MST1R: variants seen among roughly 807,000 people sequenced by gnomAD.
MST1R encodes macrophage-stimulating protein receptor.
In MST1R, 99 loss-of-function variants were observed where a neutral mutation model predicts 117.8. The observed-to-expected ratio is 0.84, with a 90% CI of 0.71 to 0.99. MST1R has a LOEUF of 0.99. Ranked by LOEUF, MST1R falls within the 50% of genes least tolerant of loss-of-function variation. The pLI is 0.00. For missense variants in MST1R, 1,683 were observed against 1,840.2 expected (o/e 0.91, Z 1.56); for synonymous variants, 734 against 765.3 (o/e 0.96, Z 0.68).
intron 4 of MST1R, 29 bp downstream of exon 4, chr3:49,898,489 T>G (rs776298711): frequency 1.9e-6 from 3 of 1,609,546 alleles, no homozygotes; most frequent in Non-Finnish European, 2.5e-6. Flanking sequence ...TGTCCCACTC[T>G]TACCTGTGCC....
At chr3:49,899,598 C>CG (rs1207638898) in intron 1 of MST1R, 17 of 218,186 alleles carry the variant, frequency 7.8e-5, no homozygotes, top group Non-Finnish European at 1.3e-4. Flanking sequence ...TTTTTTGAGA[C>CG]GGAGTCTCAC....
In MST1R at chr3:49,899,211, A is replaced by G. The variant is rs746244988; in HGVS notation, c.1283T>C (p.Leu428Pro). 1 of 1,614,154 alleles carries G rather than the reference A, an allele frequency of 6.2e-7. No homozygotes were observed. The highest frequency in any genetic ancestry group is 1.7e-5 in the Admixed American group (1 of 60,028). The part of the protein sequence containing the change: ...PNTSCRHFPL[L>P]VSSSFSRVDL... The stretch of plus-strand genomic sequence containing the variant: ...CACACGTGAGAAGCTGCTACTGACC[A>G]GCAGAGGGAAGTGGCGGCAGCTGGT... The change falls in exon 2 of 20, where the codon CTG becomes CCG. Residue 428 changes from leucine (L) to proline (P), a missense_variant. Leu to Pro is a moderately conservative substitution (Grantham distance 98, BLOSUM62 -3). Transcript: ENST00000296474.
rs2082435500 is a variant in MST1R at position 49,895,451 on chromosome 3, G to A, written c.3060C>T (p.Gly1020=). Residue 1020 remains glycine (G), a synonymous_variant, in exon 13 of 20, where the codon GGC becomes GGT. Coordinates refer to ENST00000296474, the MANE Select transcript of MST1R (RefSeq NM_002447.4). ...ILYSGSDYRS[G]LALPAIDGLD... is the part of the protein sequence containing the mutation. ...CTCATGCCTCCACTATCTCACCAAG[G>A]CCACTTCTGTAGTCAGAGCCCGAGT... is the stretch of plus-strand genomic sequence containing the variant. 6.2e-7 allele frequency: 1 copy of A among 1,614,164 alleles called. No homozygotes were observed.
chr3:49,899,558 ATCTT>A (rs1190979713), intron 1 of MST1R: 3 of 126,014 alleles, frequency 2.4e-5, no homozygotes, highest in African/African-American at 4.2e-5. Context: ...CACCCCGTAC[ATCTT>A]TTTTTTTTTT....
At chr3:49,898,375 C>T (rs2082553661) in intron 4 of MST1R, 143 bp downstream of exon 4, 8 of 1,342,826 alleles carry the variant, frequency 6.0e-6, no homozygotes, top group Admixed American at 2.2e-5. Context: ...TTGCATGTGG[C>T]ATCCCCTCTG....
chr3:49,896,691 T>TGGTG, intron 8 of MST1R, 38 bp downstream of exon 8: 1 of 1,608,996 alleles, frequency 6.2e-7, no homozygotes, highest in Non-Finnish European at 8.5e-7. Flanking sequence ...GCTCTCTCAT[T>TGGTG]CCCCAGAGGC....
At position 49,887,260 on chromosome 3, in the gene MST1R, T is replaced by C. The variant is rs2082189468; in HGVS notation, c.*47A>G. On this transcript the variant is annotated 3_prime_UTR_variant, in exon 20 of 20. Transcript: ENST00000296474. The stretch of plus-strand genomic sequence containing the variant: ...TGGCCTGGCATGGCCCAGAGGCAGC[T>C]TGGGGTTAGCTCAAGGCAGCTAAGC... 6.2e-7 allele frequency: 1 copy of C among 1,602,716 alleles called. No individual in the cohort carries two copies. The highest frequency in any genetic ancestry group is 1.1e-5 in the South Asian group (1 of 89,354).
At chr3:49,898,732 G>T (rs1200529384) in intron 3 of MST1R, 44 bp from the exon 4 acceptor site, 1 of 1,610,936 alleles carries the variant, frequency 6.2e-7, no homozygotes, top group Non-Finnish European at 8.5e-7. Flanking sequence ...TGGAGGGAGA[G>T]ATTGGGCCCT....
At chr3:49,896,162 C>A (rs1294824979) in intron 10 of MST1R, 33 bp downstream of exon 10, 1 of 1,614,188 alleles carries the variant, frequency 6.2e-7, no homozygotes, top group South Asian at 1.1e-5. Context: ...TTTCAGATCC[C>A]CAACTGTCCC....
At position 49,895,426 on chromosome 3, in the gene MST1R, C is replaced by T. The variant is rs748693531; in HGVS notation, c.3064+21G>A. The T allele has an allele frequency of 4.3e-6, 7 of 1,614,110 alleles. No individual in the cohort carries two copies. In the Admixed American group the frequency reaches 1.0e-4, roughly 23 times the overall value. ...TAGGGACAGGGGGTGGCTTTAGCTT[C>T]TCATGCCTCCACTATCTCACCAAGG... On this transcript the variant is annotated intron_variant, in intron 13 of 19. Coordinates refer to ENST00000296474, the MANE Select transcript of MST1R (RefSeq NM_002447.4).
intron 14 of MST1R, among the ~76,000 whole-genome samples, chr3:49,894,284 T>G (rs1340528373): frequency 6.6e-6 from 1 of 151,544 alleles, no homozygotes; most frequent in East Asian, 1.9e-4. Flanking sequence ...TAAAACAGGC[T>G]GGGTTCGGTG....
In MST1R at chr3:49,903,589, C is replaced by G. The variant is rs2108516768; in HGVS notation, c.21G>C (p.Leu7=). ...GCAGCAGCAACAGGAAGGACTGAGG[C>G]AGCGGCGGGAGGAGCTCCATCGAGG... is the stretch of plus-strand genomic sequence containing the variant. MELLPP[L]PQSFLLLLLL... Residue 7 remains leucine (L), a synonymous_variant, in exon 1 of 20, where the codon CTG becomes CTC. Transcript: ENST00000296474. The G allele has an allele frequency of 6.4e-7, 1 of 1,569,086 alleles. No individual in the cohort carries two copies. The highest frequency in any genetic ancestry group is 8.6e-7 in the Non-Finnish European group (1 of 1,163,538).
Position 49,898,098 on chromosome 3 carries a change from C to T in MST1R, c.1833G>A (p.Val611=). The T allele has an allele frequency of 6.2e-7, 1 of 1,614,068 alleles. No individual in the cohort carries two copies. The highest frequency in any genetic ancestry group is 8.5e-7 in the Non-Finnish European group (1 of 1,180,032). ...GCAGTGGCCGGCAGGGACTTTGGCCCACAGTGACCTGATGGGTTCCCTCAG... is the reference window on the plus strand; with the variant it reads ...GCAGTGGCCGGCAGGGACTTTGGCCTACAGTGACCTGATGGGTTCCCTCAG... ...LVPEGTHQVT[V]GQSPCRPLPK... Residue 611 remains valine, a synonymous_variant, in exon 5 of 20, where the codon GTG becomes GTA. Coordinates refer to ENST00000296474, the MANE Select transcript of MST1R (RefSeq NM_002447.4).
rs1441367169 is a variant in MST1R, at chr3:49,891,795, GGCCTGGT to G, written c.3308_3314del (p.Asp1103AlafsTer12). On this transcript the variant is annotated frameshift_variant, in exon 15 of 20. Coordinates refer to ENST00000296474, the MANE Select transcript of MST1R (RefSeq NM_002447.4). LOFTEE classifies it high-confidence loss of function. ...TGATGGCACATTGGATTCGATTCTG[GGCCTGGT>G]CTATGTATTCTCCGTGGTAGACAAC... 1 of 1,613,918 alleles carries G rather than the reference GGCCTGGT, an allele frequency of 6.2e-7. No homozygotes were observed. The highest frequency in any genetic ancestry group is 2.2e-5 in the East Asian group (1 of 44,866).
intron 1 of MST1R, among the ~76,000 whole-genome samples, chr3:49,901,384 G>C (rs944452344): frequency 6.6e-6 from 1 of 152,120 alleles, no homozygotes; most frequent in African/African-American, 2.4e-5. Context: ...TCTTACTGCT[G>C]TTGCCTACAC....
rs778635013 is a variant in MST1R, at chr3:49,897,533, C to A, written c.2033G>T (p.Gly678Val). 5 of 1,613,648 alleles carry A rather than the reference C, an allele frequency of 3.1e-6. No individual in the cohort carries two copies. Among genetic ancestry groups the A allele is most frequent in the Non-Finnish European group, 4.2e-6 (5 of 1,179,774 alleles). Reference protein sequence around the residue: ...FRVDGTSVLRGFSFMEPVLIA... With the variant: ...FRVDGTSVLRVFSFMEPVLIA... ...AGGTAGCCTCACCATGAAAGAGAAGCCTCTCAGCACGGAGGTGCCGTCTAC... is the reference window on the plus strand; with the variant it reads ...AGGTAGCCTCACCATGAAAGAGAAGACTCTCAGCACGGAGGTGCCGTCTAC... Residue 678 changes from glycine to valine, a missense_variant, in exon 6 of 20, where the codon GGC becomes GTC. Coordinates refer to ENST00000296474, the MANE Select transcript of MST1R (RefSeq NM_002447.4).
chr3:49,903,751 C>A lies in MST1R; in HGVS notation c.-142G>T. ...ACAGCCCCAAGATAGCGGACCCCCG[C>A]CCCAGGTTCCTGTGAAACCCAAATC... is the stretch of plus-strand genomic sequence containing the variant. On this transcript the variant is annotated 5_prime_UTR_variant, in exon 1 of 20. Coordinates refer to ENST00000296474, the MANE Select transcript of MST1R (RefSeq NM_002447.4). 2.5e-6 allele frequency: 3 copies of A among 1,182,910 alleles called. No individual in the cohort carries two copies. The highest frequency in any genetic ancestry group is 3.4e-6 in the Non-Finnish European group (3 of 871,248). The allele number at this position is 1,182,910 out of a possible 1,614,324, so 73.3% of individuals were successfully genotyped here.
At chr3:49,889,157 G>A (rs1442115013) in intron 19 of MST1R, among the ~76,000 whole-genome samples, 1 of 152,170 alleles carries the variant, frequency 6.6e-6, no homozygotes, top group South Asian at 2.1e-4. Flanking sequence ...CATTTCTCCT[G>A]CCCAGTCCTT....
At position 49,902,429 on chromosome 3, in the gene MST1R, A is replaced by G; in HGVS notation, c.1181T>C (p.Leu394Pro). The change falls in exon 1 of 20, where the codon CTC becomes CCC. Residue 394 changes from leucine to proline, a missense_variant. Transcript: ENST00000296474. Reference protein sequence around the residue: ...RCCESPVHPGLRRGLDFFQSP... With the variant: ...RCCESPVHPGPRRGLDFFQSP... ...CTGGAAGAAGTCGAGGCCTCGCCGG[A>G]GGCCTGGATGGACTGGGGATTCACA... 1 of 1,614,166 alleles carries G rather than the reference A, an allele frequency of 6.2e-7. No individual in the cohort carries two copies. The highest frequency in any genetic ancestry group is 8.5e-7 in the Non-Finnish European group (1 of 1,180,028).
Sources: allele counts gnomAD v4.1 joint callset (sites outside exome capture counted in the v4.1 genomes callset), GRCh38; gene constraint gnomAD v4.1.1; transcripts MANE v1.5; gene names NCBI Gene and HGNC (gene_info 2026-07-23, HGNC 2026-07-21).